GALK2: variants seen among roughly 807,000 people sequenced by gnomAD.
GALK2 encodes the protein galactokinase 2, also known as N-acetylgalactosamine kinase.
GALK2 carries 36 observed loss-of-function variants against 52.4 expected under a neutral mutation model. The observed-to-expected ratio is 0.69, with a 90% confidence interval of 0.53 to 0.91. The LOEUF is 0.91. Ranked by LOEUF, GALK2 falls within the 40% of genes least tolerant of loss-of-function variation. GALK2 has a pLI of 0.00. For missense variants in GALK2, 579 were observed against 559.1 expected (o/e 1.04, Z -0.36); for synonymous variants, 176 against 199.1 (o/e 0.88, Z 0.98).
intron 9 of GALK2, among the ~76,000 whole-genome samples, chr15:49,321,660 G>A (rs187221724): frequency 6.6e-6 from 1 of 152,308 alleles, no homozygotes; most frequent in East Asian, 1.9e-4. Flanking sequence ...AAGGCACTAA[G>A]AGATGAAATA....
chr15:49,243,336 T>C (rs1203080900), intron 5 of GALK2, among the ~76,000 whole-genome samples: 1 of 151,994 alleles, frequency 6.6e-6, no homozygotes. Context: ...ATCTGAAAAA[T>C]GAAATTCTTA....
At position 49,328,564 on chromosome 15, in the gene GALK2, T is replaced by C; in HGVS notation, c.*405T>C. The C allele has an allele frequency of 6.2e-7, 1 of 1,605,414 alleles. No homozygotes were observed. The highest frequency in any genetic ancestry group is 8.5e-7 in the Non-Finnish European group (1 of 1,174,326). Reference sequence around the variant, plus strand: ...TCTTGAATAGAGTTCATTTCTGGTTTCTCTTAGTATTCTTCTTCCTCAAAG... The same window carrying C: ...TCTTGAATAGAGTTCATTTCTGGTTCCTCTTAGTATTCTTCTTCCTCAAAG... On this transcript the variant is annotated 3_prime_UTR_variant, in exon 10 of 10. Transcript: ENST00000560031.
intron 4 of GALK2, among the ~76,000 whole-genome samples, chr15:49,237,657 A>T: frequency 6.6e-6 from 1 of 151,702 alleles, no homozygotes; most frequent in East Asian, 1.9e-4. Context: ...TTGTATTTTT[A>T]GTAGAGACGG....
intron 5 of GALK2, among the ~76,000 whole-genome samples, chr15:49,264,763 C>T (rs1006440769): frequency 6.6e-6 from 1 of 152,104 alleles, no homozygotes; most frequent in African/African-American, 2.4e-5. Context: ...TGTGTATGTC[C>T]TTTCTGTTTG....
At chr15:49,366,749 C>A in intron 3 of GALK2, 1 of 827,658 alleles carries the variant, frequency 1.2e-6, no homozygotes, top group Admixed American at 2.3e-5. Flanking sequence ...GCTGGGAGTC[C>A]CGCCACTGCG....
At position 49,319,899 on chromosome 15, in the gene GALK2, A is replaced by T. The variant is rs372138701; in HGVS notation, c.1169+94A>T. Reference sequence around the variant, plus strand: ...CAACATTTCATAATCTACGGGAATGAAGATCATTCCCCACTTCCTATATGA... The same window carrying T: ...CAACATTTCATAATCTACGGGAATGTAGATCATTCCCCACTTCCTATATGA... On this transcript the variant is annotated intron_variant, in intron 9 of 9. Coordinates refer to ENST00000560031, the MANE Select transcript of GALK2 (RefSeq NM_002044.4). 22 of 1,083,352 alleles carry T rather than the reference A, an allele frequency of 2.0e-5. No homozygotes were observed. In the African/African-American group the frequency reaches 3.1e-4, roughly 15 times the overall value. 67.1% of individuals were successfully genotyped at this position (1,083,352 alleles called of 1,614,324 possible).
chr15:49,293,366 C>CG (rs1480418151), intron 8 of GALK2, among the ~76,000 whole-genome samples: 2 of 152,248 alleles, frequency 1.3e-5, no homozygotes, highest in African/African-American at 4.8e-5. Context: ...GTTTCTAACA[C>CG]TGTCGATCCA....
At chr15:49,236,740 C>T (rs2090829143) in intron 4 of GALK2, among the ~76,000 whole-genome samples, 1 of 152,154 alleles carries the variant, frequency 6.6e-6, no homozygotes. Context: ...CCTTTGTGAG[C>T]TAAAAGTAAA....
At chr15:49,167,043 G>C (rs1357856315), upstream of GALK2, among the ~76,000 whole-genome samples, 1 of 152,198 alleles carries the variant, frequency 6.6e-6, no homozygotes, top group African/African-American at 2.4e-5. Flanking sequence ...AGCCAGGTCT[G>C]TAAGTCTCTA....
At chr15:49,335,601 A>C (rs969122530), downstream of GALK2, 5 of 695,108 alleles carry the variant, frequency 7.2e-6, no homozygotes, top group African/African-American at 8.9e-5. Context: ...TTCACTTTTC[A>C]GTAATGAAGA....
rs150564161 is a variant in GALK2 at position 49,317,462 on chromosome 15, G to A, written c.968-2142G>A. ...AGGAATGCTTTTACACTGTTGTTGG[G>A]AATGTAAATTAGTTCAACCATTGTG... On this transcript the variant is annotated intron_variant, in intron 8 of 9. Coordinates refer to ENST00000560031, the MANE Select transcript of GALK2 (RefSeq NM_002044.4). Among the ~76,000 whole-genome samples, 978 of 152,030 alleles carry A rather than the reference G, an allele frequency of 6.4e-3. 7 individuals carry two copies. The highest frequency in any genetic ancestry group is 0.011 in the Non-Finnish European group (734 of 67,942).
intron 8 of GALK2, among the ~76,000 whole-genome samples, chr15:49,316,733 A>C (rs535115358): frequency 6.6e-6 from 1 of 152,336 alleles, no homozygotes; most frequent in Admixed American, 6.5e-5. Flanking sequence ...AGAGGAACCT[A>C]GGGGCAGACC....
intron 5 of GALK2, among the ~76,000 whole-genome samples, chr15:49,245,161 A>G (rs991667587): frequency 6.6e-6 from 1 of 152,198 alleles, no homozygotes; most frequent in African/African-American, 2.4e-5. Flanking sequence ...GGAAAGGTGG[A>G]TGTAAGAGAG....
intron 3 of GALK2, among the ~76,000 whole-genome samples, chr15:49,357,549 A>T (rs895140731): frequency 6.6e-6 from 1 of 152,094 alleles, no homozygotes; most frequent in South Asian, 2.1e-4. Flanking sequence ...AAGAAGTTGA[A>T]TCTCTGAACA....
intron 2 of GALK2, among the ~76,000 whole-genome samples, chr15:49,213,119 A>G (rs2089062274): frequency 6.6e-6 from 1 of 152,154 alleles, no homozygotes; most frequent in Non-Finnish European, 1.5e-5. Context: ...TTCTATAGGC[A>G]TCTATCCTTC....
chr15:49,299,742 T>TCTTTCTTTCTTTCTTTC (rs2034854298), intron 8 of GALK2, among the ~76,000 whole-genome samples: 10 of 107,262 alleles, frequency 9.3e-5, no homozygotes, highest in African/African-American at 3.4e-4. Context: ...TTCTTTTCTT[T>TCTTTCTTTCTTTCTTTC]CTTTCTTTCT....
intron 3 of GALK2, among the ~76,000 whole-genome samples, chr15:49,352,911 T>TA (rs1472041008): frequency 8.5e-5 from 13 of 152,230 alleles, no homozygotes; most frequent in Admixed American, 7.2e-4. Context: ...AAAGCTCTGT[T>TA]ACACTGGTGT....
At chr15:49,282,969 T>C (rs1016983294) in intron 6 of GALK2, among the ~76,000 whole-genome samples, 1 of 152,188 alleles carries the variant, frequency 6.6e-6, no homozygotes, top group Non-Finnish European at 1.5e-5. Flanking sequence ...TCTAAGTTCT[T>C]TGGGCTTACA....
rs2038630275 is a variant in GALK2, at chr15:49,331,039, T to G, written c.*2880T>G. On this transcript the variant is annotated 3_prime_UTR_variant, in exon 10 of 10. Transcript: ENST00000560031. ...GTATATTATACAACACCCAGGTGTT[T>G]CACTCTTTCTATCACTTTTCTGCCC... 1 of 152,272 alleles carries G rather than the reference T, an allele frequency of 6.6e-6. No homozygotes were observed. The highest frequency in any genetic ancestry group is 6.5e-5 in the Admixed American group (1 of 15,278). 9.4% of individuals were successfully genotyped at this position (152,272 alleles called of 1,614,324 possible). A position where few individuals can be genotyped will look rare whatever the true frequency, so the allele number is the denominator to read the frequency against.
Sources: gnomAD v4.1 joint callset for allele counts (sites outside exome capture counted in the v4.1 genomes callset) on GRCh38, gnomAD v4.1.1 for gene constraint, MANE v1.5 for transcripts, NCBI Gene and HGNC (gene_info 2026-07-23, HGNC 2026-07-21) for gene names.